Variants in LIMD1 observed in about 807,000 individuals in gnomAD.
The protein encoded by LIMD1 is LIM domain containing 1, also known as LIM domain-containing protein 1.
In LIMD1, 23 loss-of-function variants were observed where a neutral mutation model predicts 58.4. That is an observed-to-expected ratio of 0.39 (90% CI 0.28 to 0.56). The LOEUF is 0.56. LIMD1 is among the 20% of genes least tolerant of loss of function. The probability of loss-of-function intolerance (pLI) is 0.57; values close to 1 mark genes in which losing one functional copy is unlikely to be tolerated. For synonymous variants in LIMD1, 334 were observed against 345.5 expected (o/e 0.97, Z 0.37); for missense variants, 838 against 855.5 (o/e 0.98, Z 0.25).
chr3:45,643,490 A>G (rs571038079), intron 2 of LIMD1, among the ~76,000 whole-genome samples: 1 of 152,162 alleles, frequency 6.6e-6, no homozygotes, highest in South Asian at 2.1e-4. Context: ...GTCTCAAAAA[A>G]AAAAAAAAGA....
chr3:45,661,845 A>G (rs1697445860), intron 2 of LIMD1, among the ~76,000 whole-genome samples: 1 of 152,166 alleles, frequency 6.6e-6, no homozygotes, highest in Non-Finnish European at 1.5e-5. Context: ...TGCAGTCTCA[A>G]CCTCTAGGCA....
At chr3:45,630,732 T>A (rs13091333) in intron 1 of LIMD1, among the ~76,000 whole-genome samples, 7,448 of 152,098 alleles carry the variant, frequency 0.049, 218 homozygotes, top group East Asian at 0.14. Flanking sequence ...GGGGGGCATG[T>A]GTGGCAGGAA....
intron 2 of LIMD1, among the ~76,000 whole-genome samples, chr3:45,660,017 G>C (rs1253009423): frequency 1.3e-5 from 2 of 152,188 alleles, no homozygotes; most frequent in Non-Finnish European, 2.9e-5. Flanking sequence ...CATGTTCAAT[G>C]ATCTTCCTCT....
chr3:45,621,735 G>C (rs148953138), intron 1 of LIMD1, among the ~76,000 whole-genome samples: 4 of 152,186 alleles, frequency 2.6e-5, no homozygotes, highest in Non-Finnish European at 4.4e-5. Flanking sequence ...TTAATAACAG[G>C]TATACTTCAC....
intron 1 of LIMD1, among the ~76,000 whole-genome samples, chr3:45,629,830 T>C (rs1575351632): frequency 6.6e-6 from 1 of 151,974 alleles, no homozygotes; most frequent in Admixed American, 6.6e-5. Context: ...CCCCTAGAGG[T>C]TTGAGCAGGG....
At chr3:45,599,532 ATG>A (rs1163162911) in intron 1 of LIMD1, among the ~76,000 whole-genome samples, 1 of 152,160 alleles carries the variant, frequency 6.6e-6, no homozygotes, top group East Asian at 1.9e-4. Flanking sequence ...TGTAATAAGC[ATG>A]TGTGTGTTTC....
intron 1 of LIMD1, among the ~76,000 whole-genome samples, chr3:45,629,342 G>A (rs752500648): frequency 1.3e-5 from 2 of 151,082 alleles, no homozygotes; most frequent in Non-Finnish European, 2.9e-5. Context: ...GAACCCAGGA[G>A]GCAGAGGTTG....
chr3:45,595,639 C>G lies in LIMD1; in HGVS notation c.760C>G (p.Arg254Gly), dbSNP rs781113760. 6.2e-7 allele frequency: 1 copy of G among 1,614,092 alleles called. No individual in the cohort carries two copies. Among genetic ancestry groups the G allele is most frequent in the Non-Finnish European group, 8.5e-7 (1 of 1,180,008 alleles). Residue 254 changes from arginine to glycine, a missense_variant, in exon 1 of 8, where the codon CGC becomes GGC. Transcript: ENST00000273317. ...LGGQNSGIGG[R>G]SSEKPTGLWS... ...TGGTCAGAATAGTGGCATTGGTGGCCGCAGCAGCGAGAAGCCAACAGGCCT... is the reference window on the plus strand; with the variant it reads ...TGGTCAGAATAGTGGCATTGGTGGCGGCAGCAGCGAGAAGCCAACAGGCCT...
At chr3:45,673,646 C>T in intron 6 of LIMD1, 141 bp downstream of exon 6, 1 of 753,026 alleles carries the variant, frequency 1.3e-6, no homozygotes. Context: ...GGTGCAGTGG[C>T]TCACGCCTGT....
chr3:45,623,853 C>T (rs1034654866), intron 1 of LIMD1, among the ~76,000 whole-genome samples: 2 of 152,202 alleles, frequency 1.3e-5, no homozygotes, highest in South Asian at 2.1e-4. Context: ...AAACGGGACC[C>T]TGTCTCTGGA....
intron 1 of LIMD1, among the ~76,000 whole-genome samples, chr3:45,616,757 C>CT (rs1335272194): frequency 0.015 from 2,066 of 141,978 alleles, 37 homozygotes; most frequent in African/African-American, 0.046. Context: ...ATGAGAAAGT[C>CT]TTTTTTTTTT....
intron 1 of LIMD1, chr3:45,632,444 C>T (rs992666416): frequency 2.4e-6 from 2 of 841,990 alleles, no homozygotes; most frequent in African/African-American, 1.8e-5. Flanking sequence ...ATACTAAGTG[C>T]ACTCTGTCTG....
chr3:45,658,276 G>A (rs1009827341), intron 2 of LIMD1, among the ~76,000 whole-genome samples: 1 of 152,116 alleles, frequency 6.6e-6, no homozygotes, highest in Non-Finnish European at 1.5e-5. Context: ...TTAGGTCAGT[G>A]GGGGAGTCTC....
At chr3:45,617,716 T>A (rs558140880) in intron 1 of LIMD1, among the ~76,000 whole-genome samples, 1 of 152,328 alleles carries the variant, frequency 6.6e-6, no homozygotes, top group African/African-American at 2.4e-5. Flanking sequence ...AGGAGACAAC[T>A]GTGGGTGGGT....
At chr3:45,598,249 C>T (rs940636410) in intron 1 of LIMD1, among the ~76,000 whole-genome samples, 10 of 152,150 alleles carry the variant, frequency 6.6e-5, no homozygotes, top group African/African-American at 1.4e-4. Context: ...CCACTGTGCC[C>T]GGCCTACTGG....
chr3:45,595,614 T>C lies in LIMD1; in HGVS notation c.735T>C (p.Gly245=). ...SSSRSSEGSL[G]GQNSGIGGRS... ...GCAGGTCTTCTGAGGGTAGCCTCGG[T>C]GGTCAGAATAGTGGCATTGGTGGCC... The change falls in exon 1 of 8, where the codon GGT becomes GGC. Residue 245 remains glycine (G), a synonymous_variant. Transcript: ENST00000273317. The C allele has an allele frequency of 1.4e-5, 22 of 1,613,910 alleles. No individual in the cohort carries two copies. The highest frequency in any genetic ancestry group is 1.9e-5 in the Non-Finnish European group (22 of 1,179,932).
chr3:45,665,716 T>A lies in LIMD1; in HGVS notation c.1577T>A (p.Leu526Gln), dbSNP rs1697507027. The change falls in exon 3 of 8, where the codon CTG becomes CAG. Residue 526 changes from leucine (L) to glutamine (Q), a missense_variant and splice_region_variant. This residue lies in a region of LIMD1 where 174 missense variants were observed against 197.4 expected (regional missense o/e 0.88). Coordinates refer to ENST00000273317, the MANE Select transcript of LIMD1 (RefSeq NM_014240.3). ...AAAGTGTTTTGTGAAGAAGACTTCC[T>A]GGTGAGTGTGTCACCGAAGCCTCCC... The part of the protein sequence containing the change: ...NGKVFCEEDF[L>Q]YSGFQQSADR... The A allele has an allele frequency of 3.7e-6, 6 of 1,613,786 alleles. No individual in the cohort carries two copies. Among genetic ancestry groups the A allele is most frequent in the Non-Finnish European group, 5.1e-6 (6 of 1,179,774 alleles).
intron 1 of LIMD1, among the ~76,000 whole-genome samples, chr3:45,611,524 T>G (rs886761077): frequency 4.6e-5 from 7 of 152,240 alleles, no homozygotes; most frequent in Non-Finnish European, 1.0e-4. Flanking sequence ...AACGATGGTG[T>G]TTCCTGTCCC....
chr3:45,617,324 G>A (rs1214373447), intron 1 of LIMD1, among the ~76,000 whole-genome samples: 1 of 152,204 alleles, frequency 6.6e-6, no homozygotes, highest in Non-Finnish European at 1.5e-5. Flanking sequence ...TGGGATTACA[G>A]GTGTGAGCCA....
Sources: allele counts gnomAD v4.1 joint callset (sites outside exome capture counted in the v4.1 genomes callset), GRCh38; gene constraint gnomAD v4.1.1; regional missense constraint gnomAD v4.1.1; transcripts MANE v1.5; gene names NCBI Gene and HGNC (gene_info 2026-07-23, HGNC 2026-07-21).